The following ZMYM1 variants were observed in gnomAD, a reference collection of about 807,000 sequenced individuals.
ZMYM1 encodes the protein zinc finger MYM-type containing 1.
ZMYM1 carries 39 observed loss-of-function variants against 60.0 expected under a neutral mutation model. The ratio of observed to expected loss-of-function variants is 0.65; its 90% CI spans 0.50 to 0.85. ZMYM1 has a LOEUF of 0.85. Among genes scored for constraint, ZMYM1 ranks in the 40% least tolerant of loss-of-function variants. The probability of loss-of-function intolerance (pLI) is 0.00; values close to 1 mark genes in which losing one functional copy is unlikely to be tolerated. For missense variants in ZMYM1, 1,171 were observed against 1,309.5 expected (o/e 0.89, Z 1.63); for synonymous variants, 413 against 454.0 (o/e 0.91, Z 1.15).
intron 3 of ZMYM1, among the ~76,000 whole-genome samples, chr1:35,096,484 T>G (rs1348129367): frequency 4.6e-5 from 7 of 151,156 alleles, no homozygotes; most frequent in Non-Finnish European, 8.8e-5. Flanking sequence ...AAACCAGGTG[T>G]GGTGGTGCAT....
At position 35,113,191 on chromosome 1, in the gene ZMYM1, G is replaced by A. The variant is rs7552714; in HGVS notation, c.1361G>A (p.Arg454Gln). 1,396 of 1,613,420 alleles carry A rather than the reference G, an allele frequency of 8.7e-4. 1 individual carries two copies. Among genetic ancestry groups the A allele is most frequent in the Non-Finnish European group, 1.0e-3 (1,233 of 1,179,542 alleles). Residue 454 changes from arginine (R) to glutamine (Q), a missense_variant, in exon 10 of 10, where the codon CGA becomes CAA. Arg to Gln is a conservative substitution (Grantham distance 43). Transcript: ENST00000359858. The part of the protein sequence containing the change: ...SKVQKVKGKS[R>Q]SIKKSCCADF... Reference sequence around the variant, plus strand: ...GTACAAAAAGTTAAAGGTAAATCACGAAGTATTAAAAAATCTTGTTGTGCA... The same window carrying A: ...GTACAAAAAGTTAAAGGTAAATCACAAAGTATTAAAAAATCTTGTTGTGCA...
intron 1 of ZMYM1, among the ~76,000 whole-genome samples, chr1:35,073,081 CGA>C (rs1491250931): frequency 4.1e-5 from 6 of 145,514 alleles, no homozygotes; most frequent in South Asian, 2.2e-4. Flanking sequence ...GATTCCATCT[CGA>C]AAAAAAAAAT....
At position 35,093,933 on chromosome 1, in the gene ZMYM1, C is replaced by T. The variant is rs902296775; in HGVS notation, c.-55C>T. 10 of 1,271,202 alleles carry T rather than the reference C, an allele frequency of 7.9e-6. No homozygotes were observed. The highest frequency in any genetic ancestry group is 7.2e-5 in the Admixed American group (3 of 41,930). 78.7% of individuals were successfully genotyped at this position (1,271,202 alleles called of 1,614,324 possible). On this transcript the variant is annotated 5_prime_UTR_variant, in exon 2 of 10. Coordinates refer to ENST00000359858, the MANE Select transcript of ZMYM1 (RefSeq NM_024772.5). ...TTTTAGGAATCTGGAAACTGTTCTT[C>T]AGGAAGAAACCCATTAGTTTGGAAC...
In ZMYM1 at chr1:35,089,847, G is replaced by A. The variant is rs563743154; in HGVS notation, c.-74-4067G>A. Among the ~76,000 whole-genome samples, 48 of 136,258 alleles carry A rather than the reference G, an allele frequency of 3.5e-4. 1 individual carries two copies. Among genetic ancestry groups the A allele is most frequent in the Admixed American group, 3.0e-3 (35 of 11,612 alleles). 89.4% of individuals were successfully genotyped at this position (136,258 alleles called of 152,430 possible). The stretch of plus-strand genomic sequence containing the variant: ...TGCAAGGTCTGCCTCCCAGGTTCAC[G>A]CCATTCTCCTGCCTCAGCCTCCCGA... On this transcript the variant is annotated intron_variant, in intron 1 of 9. Coordinates refer to ENST00000359858, the MANE Select transcript of ZMYM1 (RefSeq NM_024772.5).
downstream of ZMYM1, chr1:35,115,976 C>G (rs565309758): frequency 1.2e-4 from 18 of 152,306 alleles, no homozygotes; most frequent in South Asian, 3.5e-3. Flanking sequence ...CACCTATAAT[C>G]TCAGCCCTTT....
At chr1:35,090,934 A>C (rs1197578784) in intron 1 of ZMYM1, among the ~76,000 whole-genome samples, 1 of 152,058 alleles carries the variant, frequency 6.6e-6, no homozygotes, top group Non-Finnish European at 1.5e-5. Context: ...CAACGAGAGC[A>C]AAACTCTTGT....
intron 1 of ZMYM1, among the ~76,000 whole-genome samples, chr1:35,068,649 A>T (rs193172414): frequency 0.032 from 4,629 of 145,220 alleles, 157 homozygotes; most frequent in African/African-American, 0.088. Context: ...CAAAAAAAAA[A>T]ATATATATAT....
intron 1 of ZMYM1, among the ~76,000 whole-genome samples, chr1:35,063,157 C>T (rs1557614916): frequency 6.6e-6 from 1 of 150,590 alleles, no homozygotes; most frequent in African/African-American, 2.4e-5. Flanking sequence ...GACAGGGCCT[C>T]ACTTTATCAC....
chr1:35,117,202 T>G (rs965141580), downstream of ZMYM1, among the ~76,000 whole-genome samples: 1 of 151,914 alleles, frequency 6.6e-6, no homozygotes, highest in Non-Finnish European at 1.5e-5. Flanking sequence ...TCTCATCAAT[T>G]TTGATAACTT....
chr1:35,116,835 A>ATTTTTTTTTTTTTTTTTTTT (rs10671957), downstream of ZMYM1, among the ~76,000 whole-genome samples: 1 of 88,934 alleles, frequency 1.1e-5, no homozygotes, highest in African/African-American at 4.6e-5. Flanking sequence ...TAGGCCTGGA[A>ATTTTTTTTTTTTTTTTTTTT]TTTTTTTTTT....
intron 1 of ZMYM1, among the ~76,000 whole-genome samples, chr1:35,090,306 A>G (rs2148506852): frequency 6.6e-6 from 1 of 152,274 alleles, no homozygotes; most frequent in East Asian, 1.9e-4. Context: ...ATTTAGAATC[A>G]GAGGTAACAG....
Position 35,114,383 on chromosome 1 carries a change from A to G in ZMYM1, c.2553A>G (p.Thr851=), listed in dbSNP as rs753356721. The G allele has an allele frequency of 2.9e-5, 47 of 1,612,998 alleles. No individual in the cohort carries two copies. Among genetic ancestry groups the G allele is most frequent in the Non-Finnish European group, 3.7e-5 (44 of 1,179,420 alleles). Residue 851 remains threonine (T), a synonymous_variant, in exon 10 of 10, where the codon ACA becomes ACG. Coordinates refer to ENST00000359858, the MANE Select transcript of ZMYM1 (RefSeq NM_024772.5). ...CCGATGAATTGAGTCATTTGCTGAC[A>G]TTGGTTTCCAAATTTGAATTTGTCT... is the stretch of plus-strand genomic sequence containing the variant. ...SFADELSHLL[T]LVSKFEFVFC...
intron 3 of ZMYM1, among the ~76,000 whole-genome samples, chr1:35,096,443 T>A (rs1472537384): frequency 6.6e-6 from 1 of 151,478 alleles, no homozygotes; most frequent in East Asian, 1.9e-4. Flanking sequence ...CTGGGCAACA[T>A]AGCGAGATCC....
chr1:35,069,007 G>GT (rs952465442), intron 1 of ZMYM1, among the ~76,000 whole-genome samples: 2 of 151,932 alleles, frequency 1.3e-5, no homozygotes, highest in African/African-American at 2.4e-5. Context: ...TAGAGACGGG[G>GT]TTTTTTAGTA....
chr1:35,114,971 C>G lies in ZMYM1; in HGVS notation c.3141C>G (p.Phe1047Leu). 6.2e-7 allele frequency: 1 copy of G among 1,614,030 alleles called. No individual in the cohort carries two copies. The highest frequency in any genetic ancestry group is 8.5e-7 in the Non-Finnish European group (1 of 1,179,922). Residue 1047 changes from phenylalanine to leucine, a missense_variant, in exon 10 of 10, where the codon TTC (phenylalanine) becomes TTG (leucine). Transcript: ENST00000359858. The part of the protein sequence containing the change: ...NFVIDDSCIN[F>L]VSLGCLFIQH... ...TCATAGATGATAGTTGCATAAACTTCGTCAGTCTCGGCTGTTTGTTTATTC... is the reference window on the plus strand; with the variant it reads ...TCATAGATGATAGTTGCATAAACTTGGTCAGTCTCGGCTGTTTGTTTATTC...
rs368582075 is a variant in ZMYM1, at chr1:35,113,644, T to C, written c.1814T>C (p.Met605Thr). 5 of 1,612,618 alleles carry C rather than the reference T, an allele frequency of 3.1e-6. No individual in the cohort carries two copies. The highest frequency in any genetic ancestry group is 1.3e-5 in the African/African-American group (1 of 74,976). Residue 605 changes from methionine to threonine, a missense_variant, in exon 10 of 10, where the codon ATG (methionine) becomes ACG (threonine). Transcript: ENST00000359858. ...AAAGGAGAAGAAACATTTCGACTTA[T>C]GAATTCACAAGTTGACTTCTATAAC... ...KDKGEETFRL[M>T]NSQVDFYNST...
Position 35,115,436 on chromosome 1 carries a change from G to T in ZMYM1, c.*177G>T. 1 of 672,890 alleles carries T rather than the reference G, an allele frequency of 1.5e-6. No homozygotes were observed. Among genetic ancestry groups the T allele is most frequent in the East Asian group, 3.1e-5 (1 of 32,094 alleles). The allele number at this position is 672,890 out of a possible 1,614,324, so 41.7% of individuals were successfully genotyped here. A position where few individuals can be genotyped will look rare whatever the true frequency, so the allele number is the denominator to read the frequency against. On this transcript the variant is annotated 3_prime_UTR_variant, in exon 10 of 10. Coordinates refer to ENST00000359858, the MANE Select transcript of ZMYM1 (RefSeq NM_024772.5). Reference sequence around the variant, plus strand: ...TCTTTTCCTTAAATATCCCTCTAGAGGTATTTTTCCTAAGTGGTATTGTAC... The same window carrying T: ...TCTTTTCCTTAAATATCCCTCTAGATGTATTTTTCCTAAGTGGTATTGTAC...
intron 1 of ZMYM1, among the ~76,000 whole-genome samples, chr1:35,092,235 G>T (rs568873506): frequency 3.0e-5 from 4 of 135,038 alleles, no homozygotes; most frequent in Admixed American, 2.2e-4. Flanking sequence ...CAAAGACTTC[G>T]TTTTTTTGTT....
chr1:35,118,773 T>G (rs1638567010), downstream of ZMYM1, among the ~76,000 whole-genome samples: 1 of 152,236 alleles, frequency 6.6e-6, no homozygotes, highest in Admixed American at 6.5e-5. Flanking sequence ...TCTTGTAGTC[T>G]ATTATACAGC....
Sources: gnomAD v4.1 joint callset for allele counts (sites outside exome capture counted in the v4.1 genomes callset) on GRCh38, gnomAD v4.1.1 for gene constraint, MANE v1.5 for transcripts, NCBI Gene and HGNC (gene_info 2026-07-23, HGNC 2026-07-21) for gene names.